The following FNDC3B variants were observed in gnomAD, a reference collection of about 807,000 sequenced individuals.
FNDC3B encodes fibronectin type III domain-containing protein 3B.
Under a neutral mutation model 151.5 loss-of-function variants are expected in FNDC3B, and 12 were observed. That is an observed-to-expected ratio of 0.08 (90% confidence interval 0.05 to 0.13). The LOEUF (loss-of-function observed/expected upper bound fraction) is 0.13. Ranked by LOEUF, FNDC3B falls within the 10% of genes least tolerant of loss-of-function variation. The probability of loss-of-function intolerance (pLI) is 1.00; values close to 1 mark genes in which losing one functional copy is unlikely to be tolerated. For synonymous variants in FNDC3B, 528 were observed against 549.0 expected (o/e 0.96, Z 0.54); for missense variants, 1,214 against 1,505.3 (o/e 0.81, Z 3.20).
chr3:172,266,327 C>CA (rs1728923368), intron 6 of FNDC3B, among the ~76,000 whole-genome samples: 1 of 152,170 alleles, frequency 6.6e-6, no homozygotes, highest in South Asian at 2.1e-4. Context: ...TCAGCACACA[C>CA]AAAGCTGGTG....
chr3:172,252,907 C>G (rs4894531), intron 6 of FNDC3B, among the ~76,000 whole-genome samples: 16,973 of 152,098 alleles, frequency 0.11, 1,288 homozygotes, highest in East Asian at 0.31. Flanking sequence ...AGGGAAGATG[C>G]TGGGTCTCAT....
intron 15 of FNDC3B, 122 bp from the exon 16 acceptor site, chr3:172,337,208 C>T: frequency 1.6e-5 from 9 of 572,678 alleles, no homozygotes; most frequent in Non-Finnish European, 2.4e-5. Context: ...AATTATTTTG[C>T]CTTTTGGTCA....
intron 9 of FNDC3B, chr3:172,302,878 GTGTGTGTGTGCA>G (rs1408404143): frequency 2.0e-5 from 3 of 150,100 alleles, no homozygotes. Flanking sequence ...GAGAGAGAGT[GTGTGTGTGTGCA>G]TGTGTGTGAG....
chr3:172,304,811 C>T (rs1026277657), intron 9 of FNDC3B, among the ~76,000 whole-genome samples: 5 of 151,216 alleles, frequency 3.3e-5, no homozygotes, highest in Non-Finnish European at 7.4e-5. Flanking sequence ...GCAGGAGACT[C>T]ACTTGAACCT....
intron 8 of FNDC3B, 94 bp downstream of exon 8, chr3:172,295,608 G>C: frequency 8.3e-7 from 1 of 1,206,090 alleles, no homozygotes; most frequent in Non-Finnish European, 1.2e-6. Context: ...TTATAGGCTT[G>C]GCAAATTTTC....
chr3:172,140,068 T>TAGCA (rs1283274725), intron 3 of FNDC3B, among the ~76,000 whole-genome samples: 1 of 152,192 alleles, frequency 6.6e-6, no homozygotes, highest in Non-Finnish European at 1.5e-5. Flanking sequence ...GAATTGAAAA[T>TAGCA]AGCAAGTCAT....
intron 3 of FNDC3B, chr3:172,134,386 C>T (rs1195458535): frequency 1.9e-6 from 1 of 518,544 alleles, no homozygotes; most frequent in Non-Finnish European, 3.9e-6. Context: ...TTTATGATAG[C>T]TCTTTTTGAC....
At chr3:172,272,719 T>C (rs989919792) in intron 6 of FNDC3B, among the ~76,000 whole-genome samples, 2 of 152,216 alleles carry the variant, frequency 1.3e-5, no homozygotes, top group Non-Finnish European at 2.9e-5. Flanking sequence ...CTTAGTCTCT[T>C]TTCTCATTTC....
intron 1 of FNDC3B, among the ~76,000 whole-genome samples, chr3:172,060,338 G>A (rs1198107158): frequency 6.6e-6 from 1 of 152,136 alleles, no homozygotes; most frequent in Non-Finnish European, 1.5e-5. Context: ...AGGTGAGAGT[G>A]TAGTGGTGGT....
chr3:172,081,498 A>G (rs944062502), intron 1 of FNDC3B, among the ~76,000 whole-genome samples: 8 of 152,178 alleles, frequency 5.3e-5, no homozygotes, highest in South Asian at 2.1e-4. Context: ...ATGGGTACAT[A>G]ATAGTTGTAT....
chr3:172,352,949 A>G lies in FNDC3B; in HGVS notation c.2661A>G (p.Val887=), dbSNP rs980399340. Residue 887 remains valine (V), a synonymous_variant, in exon 22 of 26, where the codon GTA becomes GTG. Transcript: ENST00000415807. The surrounding 1 kb of genome is among the most constrained non-coding windows in gnomAD (Gnocchi z 4.2). ...CTGATTCACCTTCTGCGTGCCTTGTACTGAACTGGGAAGAGCCGTGCAATA... is the reference window on the plus strand; with the variant it reads ...CTGATTCACCTTCTGCGTGCCTTGTGCTGAACTGGGAAGAGCCGTGCAATA... ...AYPDSPSACL[V]LNWEEPCNNG... The G allele has an allele frequency of 6.2e-7, 1 of 1,614,108 alleles. No homozygotes were observed. The highest frequency in any genetic ancestry group is 8.5e-7 in the Non-Finnish European group (1 of 1,180,012).
chr3:172,355,645 C>T (rs1734061044), intron 22 of FNDC3B, among the ~76,000 whole-genome samples: 1 of 152,100 alleles, frequency 6.6e-6, no homozygotes, highest in Non-Finnish European at 1.5e-5. Context: ...GCCTGGAGAA[C>T]CTTTTCAAAA....
chr3:172,165,957 A>G (rs1460291796), intron 3 of FNDC3B, among the ~76,000 whole-genome samples: 3 of 152,118 alleles, frequency 2.0e-5, no homozygotes, highest in Non-Finnish European at 4.4e-5. Flanking sequence ...TTCTTTTAAC[A>G]AATGGTTGCT....
intron 6 of FNDC3B, among the ~76,000 whole-genome samples, chr3:172,262,713 G>C (rs1228056660): frequency 6.6e-6 from 1 of 151,394 alleles, no homozygotes; most frequent in Non-Finnish European, 1.5e-5. Flanking sequence ...GACCAGCCTG[G>C]ACAGCATAGC....
chr3:172,274,810 CCT>C (rs2108808486), intron 6 of FNDC3B, among the ~76,000 whole-genome samples: 1 of 152,112 alleles, frequency 6.6e-6, no homozygotes, highest in South Asian at 2.1e-4. Flanking sequence ...CATCATCTTC[CCT>C]GTGTGTGTCT....
In FNDC3B at chr3:172,154,848, G is replaced by C. The variant is rs184472481; in HGVS notation, c.187+21302G>C. 3.3e-5 allele frequency among the ~76,000 whole-genome samples: 5 copies of C among 152,150 alleles called. No individual in the cohort carries two copies. The South Asian group carries it at 8.3e-4, about 25-fold the overall frequency. On this transcript the variant is annotated intron_variant, in intron 3 of 25. Transcript: ENST00000415807. The stretch of plus-strand genomic sequence containing the variant: ...ATCTGTCTCCTGCTTTTGAGCCTTC[G>C]TGATCTCTCCAGGAGCTGCTGTAAT...
chr3:172,362,915 C>A, intron 23 of FNDC3B, 70 bp downstream of exon 23: 2 of 1,245,262 alleles, frequency 1.6e-6, no homozygotes, highest in Non-Finnish European at 2.3e-6. Flanking sequence ...CTCAATTGTA[C>A]ATTTTTATTT....
At position 172,055,459 on chromosome 3, in the gene FNDC3B, CAG is replaced by C. The variant is rs1003615118; in HGVS notation, c.-29+15689_-29+15690del. Reference sequence around the variant, plus strand: ...ATTATATTCAATTTAAACAGGGAAACAGTGTCACTTCCTGTTTATGTTTCACT... The same window carrying C: ...ATTATATTCAATTTAAACAGGGAAACTGTCACTTCCTGTTTATGTTTCACT... On this transcript the variant is annotated intron_variant, in intron 1 of 25. Coordinates refer to ENST00000415807, the MANE Select transcript of FNDC3B (RefSeq NM_022763.4). 5.3e-5 allele frequency among the ~76,000 whole-genome samples: 8 copies of C among 152,190 alleles called. No homozygotes were observed. In the South Asian group the frequency reaches 1.0e-3, roughly 20 times the overall value.
Position 172,381,142 on chromosome 3 carries a change from CA to C in FNDC3B, c.3303+50del, listed in dbSNP as rs761474914. The C allele has an allele frequency of 1.9e-6, 3 of 1,603,450 alleles. No homozygotes were observed. The Admixed American group carries it at 5.0e-5, about 27-fold the overall frequency. On this transcript the variant is annotated intron_variant, in intron 25 of 25. Coordinates refer to ENST00000415807, the MANE Select transcript of FNDC3B (RefSeq NM_022763.4). The stretch of plus-strand genomic sequence containing the variant: ...ATGTGCAACTGAGTATGGCTGGCTC[CA>C]TGCCTCTGCTTATTGCTATGAATGA...
Sources: allele counts gnomAD v4.1 joint callset (sites outside exome capture counted in the v4.1 genomes callset), GRCh38; gene constraint gnomAD v4.1.1; non-coding constraint Gnocchi (gnomAD v3.1); transcripts MANE v1.5; gene names NCBI Gene and HGNC (gene_info 2026-07-23, HGNC 2026-07-21).